LILRB4: variants seen among roughly 807,000 people sequenced by gnomAD.
LILRB4 encodes leukocyte immunoglobulin-like receptor subfamily B member 4.
LILRB4 carries 49 observed loss-of-function variants against 55.2 expected under a neutral mutation model. The ratio of observed to expected loss-of-function variants is 0.89; its 90% confidence interval spans 0.71 to 1.13. LILRB4 has a LOEUF of 1.13. Ranked by LOEUF, LILRB4 falls within the 50% of genes most tolerant of loss-of-function variation. The pLI, the probability that LILRB4 is intolerant of heterozygous loss-of-function variation, is 0.00. For synonymous variants in LILRB4, 229 were observed against 213.8 expected, an observed-to-expected ratio of 1.07 and a Z score of -0.62; for missense variants, 590 against 555.2, an observed-to-expected ratio of 1.06 and a Z score of -0.63.
At position 54,665,978 on chromosome 19, in the gene LILRB4, A is replaced by G; in HGVS notation, c.874+47A>G. On this transcript the variant is annotated intron_variant, in intron 7 of 11. Coordinates refer to ENST00000430952, the Ensembl canonical transcript of LILRB4. The surrounding 1 kb of genome is among the most constrained non-coding windows in gnomAD (Gnocchi z 5.5). ...CCGTGGGCTGATGGAGGGTGGGCTC[A>G]GGGCACCAGCCAAAGGGACTCCAGA... 1.2e-6 allele frequency: 2 copies of G among 1,612,348 alleles called. No homozygotes were observed. The highest frequency in any genetic ancestry group is 1.1e-5 in the South Asian group (1 of 91,006).
chr19:54,663,075 T>C lies in LILRB4; in HGVS notation c.34+8T>C, dbSNP rs138256922. 1.5e-3 allele frequency: 2,339 copies of C among 1,611,422 alleles called. 4 individuals are homozygous for C. The highest frequency in any genetic ancestry group is 1.4e-3 in the Non-Finnish European group (1,667 of 1,178,498). ...CGGCTCTGCTCTGCCTCGGTGAGAT[T>C]TAAAGAGGGGGAGGGGAGACCCGAG... On this transcript the variant is annotated splice_region_variant and intron_variant, in intron 1 of 11. Transcript: ENST00000430952.
rs2098704042 is a variant in LILRB4 at position 54,667,764 on chromosome 19, GC to G, written c.1169del (p.Ala390GlufsTer20). ...ATTCCTGGACACAAAGGACAGACAG[GC>G]AGAAGAGGACAGACAGATGGACACT... On this transcript the variant is annotated frameshift_variant, in exon 11 of 12. Transcript: ENST00000430952. LOFTEE classifies it high-confidence loss of function. 6.2e-7 allele frequency: 1 copy of G among 1,611,560 alleles called. No homozygotes were observed. Among genetic ancestry groups the G allele is most frequent in the Non-Finnish European group, 8.5e-7 (1 of 1,179,708 alleles).
exon 12 of LILRB4, chr19:54,668,356 A>C (rs2065390441): frequency 8.2e-6 from 2 of 245,386 alleles, no homozygotes; most frequent in Non-Finnish European, 1.6e-5. Context: ...CAAACAAAAA[A>C]TAGAGAAAAA....
In LILRB4 at chr19:54,666,668, G is replaced by T. The variant is rs369907422; in HGVS notation, c.989-29G>T. On this transcript the variant is annotated intron_variant, in intron 9 of 11. Coordinates refer to ENST00000430952, the Ensembl canonical transcript of LILRB4. The surrounding 1 kb of genome is among the most constrained non-coding windows in gnomAD (Gnocchi z 4.8). ...GAGAGGTCCCAGGGAACCTTCCCAG[G>T]AGATGAACCCCTTGCTCTACCCCAG... The T allele has an allele frequency of 5.6e-6, 9 of 1,612,072 alleles. No homozygotes were observed. Among genetic ancestry groups the T allele is most frequent in the Non-Finnish European group, 6.8e-6 (8 of 1,178,640 alleles).
chr19:54,667,718 T>C (rs1476472075), exon 11 of LILRB4: 2 of 1,609,516 alleles, frequency 1.2e-6, no homozygotes, highest in Admixed American at 3.3e-5. Context: ...TGGCCTCTCC[T>C]CCCTCCCCAC....
chr19:54,664,660 C>T, intron 4 of LILRB4, 139 bp from the exon 5 acceptor site: 1 of 984,380 alleles, frequency 1.0e-6, no homozygotes, highest in South Asian at 1.7e-5. Context: ...TTCTCCCTCA[C>T]CTAGGGTCCA....
At position 54,665,224 on chromosome 19, in the gene LILRB4, A is replaced by C; in HGVS notation, c.757+44A>C. ...GTGGGAGGTGGGCAGGGTCTAGGGG[A>C]GCCAAGGGTGGGTTCTGTCCTAGGT... On this transcript the variant is annotated intron_variant, in intron 6 of 11. Transcript: ENST00000430952. This position sits in a 1 kb window ranked among gnomAD's most constrained non-coding sequence, Gnocchi z 5.5. 2 of 1,553,042 alleles carry C rather than the reference A, an allele frequency of 1.3e-6. No individual in the cohort carries two copies. Among genetic ancestry groups the C allele is most frequent in the South Asian group, 2.3e-5 (2 of 85,988 alleles).
chr19:54,667,442 T>A, intron 10 of LILRB4, 193 bp from the exon 11 acceptor site: 1 of 1,231,172 alleles, frequency 8.1e-7, no homozygotes. Context: ...TGCAGCCAAA[T>A]GGGCAAGGTC....
intron 1 of LILRB4, among the ~76,000 whole-genome samples, 199 bp from the exon 2 acceptor site, chr19:54,663,333 C>T (rs562625035): frequency 6.6e-6 from 1 of 150,650 alleles, no homozygotes; most frequent in Non-Finnish European, 1.5e-5. Context: ...GTGGTCCCAG[C>T]CACTCGGGAG....
exon 3 of LILRB4, chr19:54,663,883 C>A: frequency 6.2e-7 from 1 of 1,614,170 alleles, no homozygotes; most frequent in Non-Finnish European, 8.5e-7. Flanking sequence ...GAAAGCCCAG[C>A]ACCCTGGGAC....
rs756754196 is a variant in LILRB4, at chr19:54,664,526, C to T, written c.655+41C>T. On this transcript the variant is annotated intron_variant, in intron 4 of 11. Transcript: ENST00000430952. ...CTGTCCTCTCTGAGCTCAGTGGCTC[C>T]GTTCATGCCCTGCTGCCAGGAGAGC... The T allele has an allele frequency of 8.4e-6, 13 of 1,544,798 alleles. No individual in the cohort carries two copies. The Middle Eastern group carries it at 5.4e-4, about 64-fold the overall frequency.
intron 4 of LILRB4, 131 bp from the exon 5 acceptor site, chr19:54,664,668 C>G: frequency 1.0e-6 from 1 of 975,636 alleles, no homozygotes; most frequent in South Asian, 1.7e-5. Context: ...CACCTAGGGT[C>G]CAGAAGGTGC....
Position 54,666,040 on chromosome 19 carries a change from T to C in LILRB4, c.874+109T>C. 5 of 1,438,888 alleles carry C rather than the reference T, an allele frequency of 3.5e-6. No homozygotes were observed. The Admixed American group carries it at 6.3e-5, about 18-fold the overall frequency. The allele number at this position is 1,438,888 out of a possible 1,614,324, so 89.1% of individuals were successfully genotyped here. ...ATCTTAGAAACTCTGCTCCAGAAAT[T>C]CCCAGTGAGAAAATCTAGAAAGAAG... is the stretch of plus-strand genomic sequence containing the variant. On this transcript the variant is annotated intron_variant, in intron 7 of 11. Coordinates refer to ENST00000430952, the Ensembl canonical transcript of LILRB4. The surrounding 1 kb of genome is among the most constrained non-coding windows in gnomAD (Gnocchi z 4.8).
intron 1 of LILRB4, among the ~76,000 whole-genome samples, 169 bp from the exon 2 acceptor site, chr19:54,663,363 G>C (rs1003465381): frequency 6.7e-6 from 1 of 148,496 alleles, no homozygotes; most frequent in Non-Finnish European, 1.5e-5. Context: ...GGAGAATGGC[G>C]TGAACCCGGG....
In LILRB4 at chr19:54,666,460, C is replaced by T. The variant is rs1359274687; in HGVS notation, c.988+24C>T. 6 of 1,613,490 alleles carry T rather than the reference C, an allele frequency of 3.7e-6. No individual in the cohort carries two copies. The highest frequency in any genetic ancestry group is 5.1e-6 in the Non-Finnish European group (6 of 1,179,556). Reference sequence around the variant, plus strand: ...CTGTGAGTGAGAGGCAGAGAAGGTGCACCTGGGGTGGAGCTGGGGGTCCCA... The same window carrying T: ...CTGTGAGTGAGAGGCAGAGAAGGTGTACCTGGGGTGGAGCTGGGGGTCCCA... On this transcript the variant is annotated intron_variant, in intron 9 of 11. Coordinates refer to ENST00000430952, the Ensembl canonical transcript of LILRB4. This position sits in a 1 kb window ranked among gnomAD's most constrained non-coding sequence, Gnocchi z 4.8.
In LILRB4 at chr19:54,665,436, C is replaced by G. The variant is rs558147832; in HGVS notation, c.757+256C>G. 6.6e-6 allele frequency among the ~76,000 whole-genome samples: 1 copy of G among 151,944 alleles called. No individual in the cohort carries two copies. The highest frequency in any genetic ancestry group is 2.4e-5 in the African/African-American group (1 of 41,338). On this transcript the variant is annotated intron_variant, in intron 6 of 11. Transcript: ENST00000430952. The surrounding 1 kb of genome is among the most constrained non-coding windows in gnomAD (Gnocchi z 5.5). ...AGACCCGATTCCGCAGGGGCCTGTC[C>G]GGTCCCACCTGCAGCAGAGACGGTG...
At chr19:54,667,546 T>C (rs906928267) in intron 10 of LILRB4, 89 bp from the exon 11 acceptor site, 2 of 1,577,610 alleles carry the variant, frequency 1.3e-6, no homozygotes, top group African/African-American at 2.7e-5. Context: ...GAAAGGGATG[T>C]AATCGGATCA....
rs199847041 is a variant in LILRB4 at position 54,666,687 on chromosome 19, A to G, written c.989-10A>G. On this transcript the variant is annotated splice_polypyrimidine_tract_variant and intron_variant, in intron 9 of 11. Coordinates refer to ENST00000430952, the Ensembl canonical transcript of LILRB4. The surrounding 1 kb of genome is among the most constrained non-coding windows in gnomAD (Gnocchi z 4.8). ...TCCCAGGAGATGAACCCCTTGCTCT[A>G]CCCCAGCAGGTGCTGCCGTGAAGAA... is the stretch of plus-strand genomic sequence containing the variant. The G allele has an allele frequency of 2.0e-4, 329 of 1,613,820 alleles. 1 individual carries two copies. Among genetic ancestry groups the G allele is most frequent in the South Asian group, 8.9e-4 (81 of 91,068 alleles).
rs200475774 is a variant in LILRB4, at chr19:54,665,907, C to T, written c.850C>T (p.Arg284Cys). Residue 284 changes from arginine (R) to cysteine (C), a missense_variant, in exon 7 of 12, where the codon CGT becomes TGT. Arg to Cys is a radical substitution (Grantham distance 180). Coordinates refer to ENST00000430952, the Ensembl canonical transcript of LILRB4. This position sits in a 1 kb window ranked among gnomAD's most constrained non-coding sequence, Gnocchi z 5.5. Reference sequence around the variant, plus strand: ...CCTCTTCCTCCTCCTCCAACACTGGCGTCAGGGAAAACACAGGACATTGGG... The same window carrying T: ...CCTCTTCCTCCTCCTCCAACACTGGTGTCAGGGAAAACACAGGACATTGGG... The T allele has an allele frequency of 3.3e-4, 537 of 1,613,796 alleles. No homozygotes were observed. In the Middle Eastern group the frequency reaches 4.3e-3, roughly 13 times the overall value.
Sources: gnomAD v4.1 joint callset for allele counts (sites outside exome capture counted in the v4.1 genomes callset) on GRCh38, gnomAD v4.1.1 for gene constraint, Gnocchi (gnomAD v3.1) non-coding constraint, MANE v1.5 for transcripts, NCBI Gene and HGNC (gene_info 2026-07-23, HGNC 2026-07-21) for gene names.